Variants in SAP30BP observed in about 807,000 individuals in gnomAD.
The protein encoded by SAP30BP is SAP30 binding protein.
A neutral mutation model predicts 46.3 loss-of-function variants in SAP30BP; 31 were observed. The ratio of observed to expected loss-of-function variants is 0.67; its 90% CI spans 0.50 to 0.90. The LOEUF (loss-of-function observed/expected upper bound fraction) is 0.90, where lower values mean the gene tolerates loss of function less well. Ranked by LOEUF, SAP30BP falls within the 40% of genes least tolerant of loss-of-function variation. SAP30BP has a pLI of 0.00. For synonymous variants in SAP30BP, 169 were observed against 144.2 expected (o/e 1.17, Z -1.23); for missense variants, 312 against 391.0 (o/e 0.80, Z 1.70).
intron 3 of SAP30BP, chr17:75,679,572 C>T (rs1295905428): frequency 6.6e-6 from 1 of 152,134 alleles, no homozygotes; most frequent in Admixed American, 6.5e-5. Context: ...TCTGGCCCAC[C>T]TGGGCAGAGA....
At chr17:75,691,784 CAGCACCCAGAA>C in intron 3 of SAP30BP, 1 of 259,802 alleles carries the variant, frequency 3.8e-6, no homozygotes, top group Non-Finnish European at 7.7e-6. Flanking sequence ...TTCCTACAAT[CAGCACCCAGAA>C]AGCTGTTCTC....
chr17:75,688,076 T>C (rs2060188466), intron 3 of SAP30BP, among the ~76,000 whole-genome samples: 1 of 152,128 alleles, frequency 6.6e-6, no homozygotes, highest in Admixed American at 6.5e-5. Context: ...CAGGTGAGCA[T>C]GAGGGTAGAG....
intron 2 of SAP30BP, 147 bp from the exon 3 acceptor site, chr17:75,671,669 G>T: frequency 3.1e-6 from 2 of 646,628 alleles, no homozygotes; most frequent in Non-Finnish European, 2.8e-6. Context: ...TTTTTCTCTG[G>T]TTCTGAGTTA....
chr17:75,685,640 C>T (rs528210544), intron 3 of SAP30BP, among the ~76,000 whole-genome samples: 1 of 152,330 alleles, frequency 6.6e-6, no homozygotes, highest in East Asian at 1.9e-4. Context: ...TGTGTGCCTT[C>T]CAGACTTGCA....
At chr17:75,694,752 C>CA (rs1360085909) in intron 4 of SAP30BP, among the ~76,000 whole-genome samples, 1 of 152,244 alleles carries the variant, frequency 6.6e-6, no homozygotes, top group Admixed American at 6.5e-5. Context: ...AGCAGCCTGT[C>CA]ACGTGCCAAC....
At chr17:75,698,246 C>A (rs2148413685) in intron 4 of SAP30BP, among the ~76,000 whole-genome samples, 1 of 152,312 alleles carries the variant, frequency 6.6e-6, no homozygotes, top group Non-Finnish European at 1.5e-5. Context: ...GTGGTTCTTC[C>A]CATCAGAATC....
chr17:75,687,782 G>A (rs571422410), intron 3 of SAP30BP, among the ~76,000 whole-genome samples: 9 of 152,174 alleles, frequency 5.9e-5, no homozygotes, highest in South Asian at 2.1e-4. Context: ...CTGCCTGTCC[G>A]TCTGACATTT....
chr17:75,687,914 T>TGGGG lies in SAP30BP; in HGVS notation c.265-5525_265-5522dup, dbSNP rs199659385. The stretch of plus-strand genomic sequence containing the variant: ...TGACAGAAGACAAACTGACAGTGTT[T>TGGGG]GGGGTGTGTGTGTGTGTGTGTGTGT... On this transcript the variant is annotated intron_variant, in intron 3 of 10. Transcript: ENST00000584667. Among the ~76,000 whole-genome samples, 166 of 121,936 alleles carry TGGGG rather than the reference T, an allele frequency of 1.4e-3. 1 individual carries two copies. Among genetic ancestry groups the TGGGG allele is most frequent in the East Asian group, 0.012 (52 of 4,490 alleles). 80.0% of individuals were successfully genotyped at this position (121,936 alleles called of 152,430 possible).
chr17:75,703,409 A>G (rs1239045557), intron 7 of SAP30BP, 38 bp downstream of exon 7: 1 of 1,590,086 alleles, frequency 6.3e-7, no homozygotes, highest in African/African-American at 1.3e-5. Context: ...TGATGGGGAC[A>G]CCCAGGGTCC....
chr17:75,701,198 C>T (rs535460289), intron 5 of SAP30BP, among the ~76,000 whole-genome samples: 27 of 152,326 alleles, frequency 1.8e-4, no homozygotes, highest in African/African-American at 5.5e-4. Flanking sequence ...CCCTCCAGGC[C>T]TGCCCACCTG....
intron 9 of SAP30BP, chr17:75,705,749 CG>C (rs1568326219): frequency 2.3e-5 from 19 of 836,294 alleles, no homozygotes; most frequent in South Asian, 3.8e-5. Context: ...GGGCGGTGGG[CG>C]GGGGGTGCCG....
At chr17:75,691,551 A>G (rs1216739322) in intron 3 of SAP30BP, 1 of 450,406 alleles carries the variant, frequency 2.2e-6, no homozygotes. Context: ...TTTCCCCTTG[A>G]AGAGCCATTG....
At chr17:75,675,232 C>A (rs1228215380) in intron 3 of SAP30BP, among the ~76,000 whole-genome samples, 1 of 152,194 alleles carries the variant, frequency 6.6e-6, no homozygotes, top group Non-Finnish European at 1.5e-5. Flanking sequence ...CTCACTGCAA[C>A]CTCTGCCTCC....
At chr17:75,702,901 C>G (rs1205664892) in intron 6 of SAP30BP, 5 of 306,622 alleles carry the variant, frequency 1.6e-5, no homozygotes, top group Admixed American at 4.6e-5. Context: ...TAGACAATTA[C>G]TGTAGGTTCA....
chr17:75,699,784 C>G lies in SAP30BP; in HGVS notation c.309C>G (p.Ala103=). 1 of 1,611,492 alleles carries G rather than the reference C, an allele frequency of 6.2e-7. No homozygotes were observed. Among genetic ancestry groups the G allele is most frequent in the Non-Finnish European group, 8.5e-7 (1 of 1,177,732 alleles). The change falls in exon 5 of 11, where the codon GCC becomes GCG. Residue 103 remains alanine (A), a splice_region_variant and synonymous_variant. Transcript: ENST00000584667. The part of the protein sequence containing the change: ...AEKRDPQELV[A]SFSERVRNMS... Reference sequence around the variant, plus strand: ...AATTTTTCCTTCTTCTCTCAACAGCCTCCTTTTCTGAAAGAGTTCGGAACA... The same window carrying G: ...AATTTTTCCTTCTTCTCTCAACAGCGTCCTTTTCTGAAAGAGTTCGGAACA...
chr17:75,704,891 G>A lies in SAP30BP; in HGVS notation c.660+77G>A. The A allele has an allele frequency of 2.5e-6, 3 of 1,179,042 alleles. No homozygotes were observed. In the Admixed American group the frequency reaches 5.1e-5, roughly 20 times the overall value. 73.0% of individuals were successfully genotyped at this position (1,179,042 alleles called of 1,614,324 possible). A position where few individuals can be genotyped will look rare whatever the true frequency, so the allele number is the denominator to read the frequency against. ...GTCCTGCTGGCTGAGCCCAGAAGGT[G>A]TCCAGGCTGCCCCCAACCCTGGCCC... On this transcript the variant is annotated intron_variant, in intron 9 of 10. Coordinates refer to ENST00000584667, the MANE Select transcript of SAP30BP (RefSeq NM_013260.8).
chr17:75,679,405 G>A (rs1253831268), intron 3 of SAP30BP: 1 of 152,136 alleles, frequency 6.6e-6, no homozygotes, highest in African/African-American at 2.4e-5. Flanking sequence ...AAGGACTTGG[G>A]CATTATACAT....
At chr17:75,685,256 A>G (rs1056894609) in intron 3 of SAP30BP, among the ~76,000 whole-genome samples, 9 of 152,168 alleles carry the variant, frequency 5.9e-5, no homozygotes, top group Non-Finnish European at 1.3e-4. Flanking sequence ...CTTTGAAATT[A>G]TATGATACAG....
At chr17:75,693,826 C>G (rs1046025741) in intron 4 of SAP30BP, among the ~76,000 whole-genome samples, 4 of 152,164 alleles carry the variant, frequency 2.6e-5, no homozygotes, top group Admixed American at 1.3e-4. Context: ...CCTCCTCCCC[C>G]TCTCCGCTGG....
Sources: gnomAD v4.1 joint callset for allele counts (sites outside exome capture counted in the v4.1 genomes callset) on GRCh38, gnomAD v4.1.1 for gene constraint, MANE v1.5 for transcripts, NCBI Gene and HGNC (gene_info 2026-07-23, HGNC 2026-07-21) for gene names.